PCSK2: variants seen among roughly 807,000 people sequenced by gnomAD.
The protein encoded by PCSK2 is neuroendocrine convertase 2.
Under a neutral mutation model 69.7 loss-of-function variants are expected in PCSK2, and 14 were observed. The observed-to-expected ratio is 0.20, with a 90% CI of 0.13 to 0.31. The LOEUF is 0.31. PCSK2 is among the 10% of genes least tolerant of loss of function. The pLI, the probability that PCSK2 is intolerant of heterozygous loss-of-function variation, is 1.00. For missense variants in PCSK2, 544 were observed against 842.5 expected (o/e 0.65, Z 4.39); for synonymous variants, 307 against 320.7 (o/e 0.96, Z 0.46).
chr20:17,369,398 G>GCA lies in PCSK2; in HGVS notation c.543+138_543+139dup, dbSNP rs111813860. 2,110 of 666,524 alleles carry GCA rather than the reference G, an allele frequency of 3.2e-3. 2 individuals carry two copies. Among genetic ancestry groups the GCA allele is most frequent in the African/African-American group, 8.9e-3 (496 of 55,898 alleles). 41.3% of individuals were successfully genotyped at this position (666,524 alleles called of 1,614,324 possible). ...CACATGCATGCAAGTACAGGAGCAT[G>GCA]CACACACACACACACACAGGAGTAC... On this transcript the variant is annotated intron_variant, in intron 5 of 11. Coordinates refer to ENST00000262545, the MANE Select transcript of PCSK2 (RefSeq NM_002594.5).
chr20:17,232,561 T>C (rs1986180064), intron 1 of PCSK2, among the ~76,000 whole-genome samples: 1 of 152,238 alleles, frequency 6.6e-6, no homozygotes, highest in African/African-American at 2.4e-5. Flanking sequence ...TTTGTAGGAT[T>C]TCTTTACCTA....
At chr20:17,362,668 G>T (rs1057506897) in intron 4 of PCSK2, among the ~76,000 whole-genome samples, 2 of 152,228 alleles carry the variant, frequency 1.3e-5, no homozygotes, top group Non-Finnish European at 2.9e-5. Context: ...GAAGCTGCCA[G>T]TCCTCTTAAA....
intron 2 of PCSK2, among the ~76,000 whole-genome samples, chr20:17,325,201 C>G (rs1990004989): frequency 6.6e-6 from 1 of 152,124 alleles, no homozygotes; most frequent in Admixed American, 6.5e-5. Context: ...GCTGTCTCCA[C>G]TTTTACTCAC....
chr20:17,324,206 T>C (rs1989968050), intron 2 of PCSK2, among the ~76,000 whole-genome samples: 1 of 152,196 alleles, frequency 6.6e-6, no homozygotes, highest in Non-Finnish European at 1.5e-5. Context: ...AGATAAACTA[T>C]ACTCAAGTCT....
chr20:17,322,216 C>T (rs758544767), intron 2 of PCSK2, among the ~76,000 whole-genome samples: 1 of 152,020 alleles, frequency 6.6e-6, no homozygotes, highest in Non-Finnish European at 1.5e-5. Flanking sequence ...TGGGTGATTT[C>T]GAAGTTGGTC....
At chr20:17,355,151 G>T (rs1878867724) in intron 2 of PCSK2, among the ~76,000 whole-genome samples, 1 of 152,188 alleles carries the variant, frequency 6.6e-6, no homozygotes, top group African/African-American at 2.4e-5. Context: ...TCATGGAAAT[G>T]AATTTGAGCA....
intron 2 of PCSK2, among the ~76,000 whole-genome samples, chr20:17,274,866 G>C (rs1278420685): frequency 2.0e-5 from 3 of 152,030 alleles, no homozygotes; most frequent in Non-Finnish European, 2.9e-5. Flanking sequence ...GGAGAACTGA[G>C]TCATGGCATA....
chr20:17,348,883 G>T lies in PCSK2; in HGVS notation c.283-9444G>T, dbSNP rs867533115. On this transcript the variant is annotated intron_variant, in intron 2 of 11. Transcript: ENST00000262545. ...GCAACCTCATTCTGAGGTACTGGGG[G>T]TAAGGACTTCAACATTTGAACTTAG... is the stretch of plus-strand genomic sequence containing the variant. 3.3e-5 allele frequency among the ~76,000 whole-genome samples: 5 copies of T among 152,288 alleles called. No individual in the cohort carries two copies. In the South Asian group the frequency reaches 6.2e-4, roughly 19 times the overall value.
intron 2 of PCSK2, among the ~76,000 whole-genome samples, chr20:17,287,036 T>C (rs1208530510): frequency 1.3e-5 from 2 of 152,200 alleles, no homozygotes; most frequent in African/African-American, 4.8e-5. Flanking sequence ...GGAGGCAGAA[T>C]TCCCTCTTCC....
At chr20:17,427,940 C>T (rs1248773428) in intron 6 of PCSK2, among the ~76,000 whole-genome samples, 1 of 152,184 alleles carries the variant, frequency 6.6e-6, no homozygotes, top group Admixed American at 6.5e-5. Context: ...TCACTTCTGC[C>T]ACATTCTTTC....
At chr20:17,259,789 C>T (rs932847758) in intron 1 of PCSK2, among the ~76,000 whole-genome samples, 2 of 152,148 alleles carry the variant, frequency 1.3e-5, no homozygotes, top group Admixed American at 6.5e-5. Flanking sequence ...AAGACACAGA[C>T]AGACAGTTGA....
chr20:17,248,781 C>T (rs1385736651), intron 1 of PCSK2, among the ~76,000 whole-genome samples: 1 of 152,208 alleles, frequency 6.6e-6, no homozygotes, highest in East Asian at 1.9e-4. Context: ...ACCCATCAAC[C>T]TGGCTGTCCT....
At chr20:17,474,852 C>T (rs554599337) in intron 11 of PCSK2, among the ~76,000 whole-genome samples, 1 of 152,186 alleles carries the variant, frequency 6.6e-6, no homozygotes, top group East Asian at 1.9e-4. Context: ...TGACTGAGCC[C>T]ACAGATGGAA....
At chr20:17,469,922 T>G (rs1487319353) in intron 11 of PCSK2, among the ~76,000 whole-genome samples, 8 of 152,128 alleles carry the variant, frequency 5.3e-5, no homozygotes, top group Non-Finnish European at 1.5e-5. Context: ...CTGGGGATTC[T>G]GAAACACCCA....
Position 17,417,032 on chromosome 20 carries a change from C to G in PCSK2, c.620+7693C>G, listed in dbSNP as rs2075230850. ...CACCAGGGCCTGTCAGGGGGTGTGG[C>G]AGACTGGGGGAGGGGTAGCATTAGG... On this transcript the variant is annotated intron_variant, in intron 6 of 11. Coordinates refer to ENST00000262545, the MANE Select transcript of PCSK2 (RefSeq NM_002594.5). Among the ~76,000 whole-genome samples, 7 of 149,488 alleles carry G rather than the reference C, an allele frequency of 4.7e-5. No homozygotes were observed. In the South Asian group the frequency reaches 1.6e-3, roughly 34 times the overall value.
At chr20:17,309,570 CA>C (rs1989434898) in intron 2 of PCSK2, among the ~76,000 whole-genome samples, 1 of 152,152 alleles carries the variant, frequency 6.6e-6, no homozygotes, top group Non-Finnish European at 1.5e-5. Context: ...GTAATCCCAG[CA>C]CTTTGGGAGG....
At chr20:17,429,376 A>C in intron 6 of PCSK2, 59 bp from the exon 7 acceptor site, 2 of 1,240,584 alleles carry the variant, frequency 1.6e-6, no homozygotes, top group South Asian at 1.2e-5. Context: ...TGAGCCCATG[A>C]GAGATCTAGC....
intron 7 of PCSK2, among the ~76,000 whole-genome samples, chr20:17,434,356 G>A (rs1003194891): frequency 5.7e-5 from 7 of 121,758 alleles, no homozygotes; most frequent in South Asian, 3.2e-4. Context: ...CTTGGGTCAC[G>A]CTGAGCCTCT....
At chr20:17,471,120 C>T (rs1024386912) in intron 11 of PCSK2, among the ~76,000 whole-genome samples, 2 of 151,976 alleles carry the variant, frequency 1.3e-5, no homozygotes, top group Admixed American at 6.6e-5. Context: ...AGGGGAGCAC[C>T]GCGGGAGAGA....
Sources: allele counts gnomAD v4.1 joint callset (sites outside exome capture counted in the v4.1 genomes callset), GRCh38; gene constraint gnomAD v4.1.1; transcripts MANE v1.5; gene names NCBI Gene and HGNC (gene_info 2026-07-23, HGNC 2026-07-21).